CALCRL: variants seen among roughly 807,000 people sequenced by gnomAD.
The protein encoded by CALCRL is calcitonin gene-related peptide type 1 receptor.
CALCRL carries 27 observed loss-of-function variants against 60.4 expected under a neutral mutation model. That is an observed-to-expected ratio of 0.45 (90% CI 0.33 to 0.62). CALCRL has a LOEUF of 0.62. CALCRL is among the 20% of genes least tolerant of loss of function. The pLI is 0.03. For synonymous variants in CALCRL, 190 were observed against 182.6 expected (o/e 1.04, Z -0.33); for missense variants, 424 against 540.7 (o/e 0.78, Z 2.14).
chr2:187,381,556 A>G (rs1479032889), intron 5 of CALCRL, among the ~76,000 whole-genome samples: 2 of 151,844 alleles, frequency 1.3e-5, no homozygotes, highest in African/African-American at 4.8e-5. Flanking sequence ...CCCAGGTTCA[A>G]GTGATTCTCC....
intron 1 of CALCRL, among the ~76,000 whole-genome samples, chr2:187,435,392 G>A (rs984057955): frequency 3.9e-5 from 6 of 152,140 alleles, no homozygotes; most frequent in Non-Finnish European, 5.9e-5. Flanking sequence ...CCAAGGGGAT[G>A]GTGCTAGGTC....
chr2:187,404,851 G>C (rs1178743430), intron 1 of CALCRL, among the ~76,000 whole-genome samples: 1 of 151,816 alleles, frequency 6.6e-6, no homozygotes, highest in East Asian at 1.9e-4. Context: ...TTAGACAGCA[G>C]ATAACAACAA....
At chr2:187,426,446 T>C (rs2105883795) in intron 1 of CALCRL, among the ~76,000 whole-genome samples, 1 of 152,110 alleles carries the variant, frequency 6.6e-6, no homozygotes, top group Non-Finnish European at 1.5e-5. Context: ...CTACAACTTT[T>C]ATAAAAAATA....
At chr2:187,444,807 T>G (rs1345556232) in intron 1 of CALCRL, among the ~76,000 whole-genome samples, 1 of 151,516 alleles carries the variant, frequency 6.6e-6, no homozygotes, top group African/African-American at 2.4e-5. Context: ...TTAATTTGAT[T>G]TTAAGATTAT....
intron 5 of CALCRL, among the ~76,000 whole-genome samples, chr2:187,382,301 A>C (rs1435014175): frequency 1.3e-5 from 2 of 152,196 alleles, no homozygotes; most frequent in Non-Finnish European, 2.9e-5. Context: ...TAAAATTACA[A>C]AGTACATTAT....
At chr2:187,405,942 G>A (rs1017512497) in intron 1 of CALCRL, among the ~76,000 whole-genome samples, 18 of 141,970 alleles carry the variant, frequency 1.3e-4, no homozygotes, top group African/African-American at 3.7e-4. Context: ...GTGTATACCT[G>A]TGTTGTCTGT....
At chr2:187,386,772 G>T (rs984547052) in intron 3 of CALCRL, among the ~76,000 whole-genome samples, 1 of 152,138 alleles carries the variant, frequency 6.6e-6, no homozygotes, top group African/African-American at 2.4e-5. Flanking sequence ...ATTCCCATGT[G>T]TTGTGGGAGG....
intron 8 of CALCRL, among the ~76,000 whole-genome samples, chr2:187,364,568 T>G (rs1199215171): frequency 6.6e-6 from 1 of 152,130 alleles, no homozygotes; most frequent in Non-Finnish European, 1.5e-5. Flanking sequence ...TAAGGAGATC[T>G]TTACCTAATT....
chr2:187,389,913 C>CT (rs1688364234), intron 1 of CALCRL, among the ~76,000 whole-genome samples: 1 of 152,026 alleles, frequency 6.6e-6, no homozygotes, highest in African/African-American at 2.4e-5. Flanking sequence ...TCTTTGCATC[C>CT]TTTGTGACTG....
At chr2:187,420,722 G>A (rs776962267) in intron 1 of CALCRL, among the ~76,000 whole-genome samples, 23 of 152,092 alleles carry the variant, frequency 1.5e-4, no homozygotes, top group Non-Finnish European at 2.4e-4. Flanking sequence ...GAGGTGTAGG[G>A]AACACTAGGT....
intron 1 of CALCRL, among the ~76,000 whole-genome samples, chr2:187,428,092 A>G (rs1035571321): frequency 6.6e-6 from 1 of 152,194 alleles, no homozygotes; most frequent in Non-Finnish European, 1.5e-5. Context: ...CAAATTAACA[A>G]GGACATTGCA....
chr2:187,443,707 A>C (rs1691035115), intron 1 of CALCRL, among the ~76,000 whole-genome samples: 1 of 151,794 alleles, frequency 6.6e-6, no homozygotes, highest in South Asian at 2.1e-4. Flanking sequence ...TACTAAGTAC[A>C]AAATAAAAAT....
At chr2:187,409,006 C>T (rs912329295) in intron 1 of CALCRL, among the ~76,000 whole-genome samples, 1 of 152,156 alleles carries the variant, frequency 6.6e-6, no homozygotes, top group African/African-American at 2.4e-5. Flanking sequence ...AAAATGTTCA[C>T]AACTACTCTT....
At chr2:187,418,203 A>C (rs564749117) in intron 1 of CALCRL, among the ~76,000 whole-genome samples, 128 of 152,322 alleles carry the variant, frequency 8.4e-4, no homozygotes, top group Non-Finnish European at 1.2e-3. Flanking sequence ...AATTCTGGTC[A>C]TTAAAAGAAA....
At chr2:187,396,224 C>T (rs1430551365) in intron 1 of CALCRL, among the ~76,000 whole-genome samples, 1 of 151,790 alleles carries the variant, frequency 6.6e-6, no homozygotes, top group South Asian at 2.1e-4. Flanking sequence ...CTTGCTCTCA[C>T]CTCTTCATAT....
rs1181908828 is a variant in CALCRL at position 187,342,847 on chromosome 2, T to C, written c.*3337A>G. Among the ~76,000 whole-genome samples, 2 of 151,574 alleles carry C rather than the reference T, an allele frequency of 1.3e-5. No individual in the cohort carries two copies. Among genetic ancestry groups the C allele is most frequent in the African/African-American group, 2.4e-5 (1 of 41,402 alleles). On this transcript the variant is annotated 3_prime_UTR_variant, in exon 15 of 15. Coordinates refer to ENST00000392370, the MANE Select transcript of CALCRL (RefSeq NM_005795.6). ...TGTAACATCTTACTTGTTCCTTCAT[T>C]AATTAATGAGTTAAACGAAATCTTT...
intron 1 of CALCRL, among the ~76,000 whole-genome samples, chr2:187,424,105 A>T (rs1690016777): frequency 6.6e-6 from 1 of 152,098 alleles, no homozygotes; most frequent in Non-Finnish European, 1.5e-5. Context: ...TCAAATTCCC[A>T]TCTGGAGATA....
intron 1 of CALCRL, chr2:187,415,813 G>T: frequency 4.8e-6 from 2 of 417,640 alleles, no homozygotes; most frequent in Admixed American, 6.4e-5. Flanking sequence ...CAACAGGGTG[G>T]TGGATCATGG....
At chr2:187,431,731 C>T (rs747099527) in intron 1 of CALCRL, among the ~76,000 whole-genome samples, 1 of 149,934 alleles carries the variant, frequency 6.7e-6, no homozygotes, top group Non-Finnish European at 1.5e-5. Context: ...TATGGTAGTC[C>T]CTGCTCTCAT....
Sources: gnomAD v4.1 joint callset for allele counts (sites outside exome capture counted in the v4.1 genomes callset) on GRCh38, gnomAD v4.1.1 for gene constraint, MANE v1.5 for transcripts, NCBI Gene and HGNC (gene_info 2026-07-23, HGNC 2026-07-21) for gene names.